The following GSTZ1 variants were observed in gnomAD, a reference collection of about 807,000 sequenced individuals.
GSTZ1 encodes the protein maleylacetoacetate isomerase.
A neutral mutation model predicts 35.9 loss-of-function variants in GSTZ1; 34 were observed. That is an observed-to-expected ratio of 0.95 (90% CI 0.72 to 1.26). The LOEUF (loss-of-function observed/expected upper bound fraction) is 1.26, where lower values mean the gene tolerates loss of function less well. Ranked by LOEUF, GSTZ1 falls within the 50% of genes most tolerant of loss-of-function variation. GSTZ1 has a pLI of 0.00. For synonymous variants in GSTZ1, 93 were observed against 101.2 expected, an observed-to-expected ratio of 0.92 and a Z score of 0.49; for missense variants, 263 against 271.7, an observed-to-expected ratio of 0.97 and a Z score of 0.23.
rs749894308 is a variant in GSTZ1, at chr14:77,331,195, G to A, written c.651G>A (p.Ter217=). 6.2e-7 allele frequency: 1 copy of A among 1,612,568 alleles called. No homozygotes were observed. Among genetic ancestry groups the A allele is most frequent in the South Asian group, 1.1e-5 (1 of 90,970 alleles). Residue 217 remains the stop codon, a stop_retained_variant, in exon 9 of 9, where the codon TAG becomes TAA. Transcript: ENST00000216465. ...ATACACCCACTGAGCTGAGGGCCTAGCTCCCAAATCCTGCCCCGTTGGCAC... is the reference window on the plus strand; with the variant it reads ...ATACACCCACTGAGCTGAGGGCCTAACTCCCAAATCCTGCCCCGTTGGCAC... ...QPDTPTELRA[*] is the part of the protein sequence containing the mutation.
chr14:77,328,261 G>A, intron 5 of GSTZ1: 1 of 558,316 alleles, frequency 1.8e-6, no homozygotes, highest in South Asian at 2.0e-5. Flanking sequence ...AGTTTCCAAG[G>A]ACGCATGTAC....
intron 1 of GSTZ1, chr14:77,324,558 G>A (rs1456983928): frequency 6.6e-7 from 1 of 1,525,044 alleles, no homozygotes; most frequent in Non-Finnish European, 8.8e-7. Flanking sequence ...CTCAGAAGCT[G>A]TGCCAGAGGG....
intron 4 of GSTZ1, 167 bp from the exon 5 acceptor site, chr14:77,327,745 G>T: frequency 1.4e-6 from 1 of 739,100 alleles, no homozygotes; most frequent in Non-Finnish European, 2.3e-6. Flanking sequence ...ACCAAGTTCT[G>T]CATGATAAGG....
At chr14:77,325,891 A>G (rs1350554732) in intron 2 of GSTZ1, 2 of 152,248 alleles carry the variant, frequency 1.3e-5, no homozygotes, top group Non-Finnish European at 1.5e-5. Flanking sequence ...CCGGAGCAAT[A>G]TAGGTGCTGT....
rs1216223405 is a variant in GSTZ1 at position 77,327,887 on chromosome 14, T to A, written c.217-25T>A. On this transcript the variant is annotated intron_variant, in intron 4 of 8. Transcript: ENST00000216465. ...GTCCAGGGGTCCTGGGCCCTCTCCC[T>A]GCCTCACTGCTCCCCTCTGGACAGC... is the stretch of plus-strand genomic sequence containing the variant. 3 of 1,613,124 alleles carry A rather than the reference T, an allele frequency of 1.9e-6. No individual in the cohort carries two copies. In the African/African-American group the frequency reaches 4.0e-5, roughly 22 times the overall value.
intron 1 of GSTZ1, chr14:77,323,967 G>A (rs1490621746): frequency 6.6e-6 from 1 of 152,340 alleles, no homozygotes; most frequent in Non-Finnish European, 1.5e-5. Flanking sequence ...ATTTAAAAAG[G>A]CAGAGGTTTG....
chr14:77,330,746 C>T (rs530759411), intron 8 of GSTZ1, among the ~76,000 whole-genome samples: 6 of 152,210 alleles, frequency 3.9e-5, no homozygotes, highest in South Asian at 2.1e-4. Flanking sequence ...TCATGCTAGG[C>T]GTTAGGGATA....
At chr14:77,321,284 C>G (rs543914673) in intron 1 of GSTZ1, 101 bp downstream of exon 1, 1 of 1,519,728 alleles carries the variant, frequency 6.6e-7, no homozygotes, top group African/African-American at 1.4e-5. Flanking sequence ...AGGCCGACAA[C>G]GACTCCCGGC....
Position 77,321,201 on chromosome 14 carries a change from G to T in GSTZ1, c.15+18G>T, listed in dbSNP as rs1291519948. ...CGGGGAAGGTCTGTGACGCGCACCC[G>T]GGTGGAGGGAAGCTGGTTAGACACC... On this transcript the variant is annotated intron_variant, in intron 1 of 8. Transcript: ENST00000216465. 1.3e-6 allele frequency: 2 copies of T among 1,493,662 alleles called. No individual in the cohort carries two copies. Among genetic ancestry groups the T allele is most frequent in the Admixed American group, 2.3e-5 (1 of 44,116 alleles). The allele number at this position is 1,493,662 out of a possible 1,614,324, so 92.5% of individuals were successfully genotyped here. A position where few individuals can be genotyped will look rare whatever the true frequency, so the allele number is the denominator to read the frequency against.
intron 1 of GSTZ1, chr14:77,321,513 C>T: frequency 7.4e-7 from 1 of 1,356,816 alleles, no homozygotes; most frequent in South Asian, 1.4e-5. Context: ...TCGCCCCAAG[C>T]CTCCCAATTT....
intron 3 of GSTZ1, 144 bp from the exon 4 acceptor site, chr14:77,327,328 G>T (rs1299968795): frequency 1.5e-6 from 1 of 655,872 alleles, no homozygotes; most frequent in Non-Finnish European, 2.8e-6. Context: ...ATCCCCCAGG[G>T]ATTACCCTGG....
Position 77,327,802 on chromosome 14 carries a change from G to A in GSTZ1, c.217-110G>A. The A allele has an allele frequency of 3.8e-6, 4 of 1,049,416 alleles. No individual in the cohort carries two copies. The Admixed American group carries it at 5.7e-5, about 15-fold the overall frequency. 65.0% of individuals were successfully genotyped at this position (1,049,416 alleles called of 1,614,324 possible). A position where few individuals can be genotyped will look rare whatever the true frequency, so the allele number is the denominator to read the frequency against. ...TGAGCTGAGCAGAAGCAGGGGGGAA[G>A]AGGTGTAGTGATGGTGCTGGAAGAG... On this transcript the variant is annotated intron_variant, in intron 4 of 8. Transcript: ENST00000216465.
chr14:77,331,406 A>G lies in GSTZ1; in HGVS notation c.*211A>G, dbSNP rs984651699. ...GGGAGATGCGGGGAGCAGGGTGGGC[A>G]GGAATACTGTTATCTATGTGACGGG... On this transcript the variant is annotated 3_prime_UTR_variant, in exon 9 of 9. Coordinates refer to ENST00000216465, the MANE Select transcript of GSTZ1 (RefSeq NM_145870.3). The G allele has an allele frequency of 3.6e-6, 2 of 551,508 alleles. No individual in the cohort carries two copies. The highest frequency in any genetic ancestry group is 3.7e-5 in the African/African-American group (2 of 53,476). 34.2% of individuals were successfully genotyped at this position (551,508 alleles called of 1,614,324 possible). A position where few individuals can be genotyped will look rare whatever the true frequency, so the allele number is the denominator to read the frequency against.
At position 77,328,007 on chromosome 14, in the gene GSTZ1, C is replaced by T; in HGVS notation, c.312C>T (p.Asp104=). ...KKRASVRMIS[D]LIAGGIQPLQ... Reference sequence around the variant, plus strand: ...GGGCCAGCGTGCGTATGATTTCTGACCTCATCGCTGGTGGCATCCAGCCCC... The same window carrying T: ...GGGCCAGCGTGCGTATGATTTCTGATCTCATCGCTGGTGGCATCCAGCCCC... Residue 104 remains aspartate, a synonymous_variant, in exon 5 of 9, where the codon GAC becomes GAT. Transcript: ENST00000216465. The T allele has an allele frequency of 1.2e-6, 2 of 1,614,046 alleles. No homozygotes were observed. The highest frequency in any genetic ancestry group is 1.7e-6 in the Non-Finnish European group (2 of 1,179,928).
chr14:77,328,584 C>T (rs1892454517), intron 5 of GSTZ1: 2 of 175,396 alleles, frequency 1.1e-5, no homozygotes, highest in Admixed American at 1.1e-4. Flanking sequence ...ATGCCTATGC[C>T]CTCTACCCGC....
In GSTZ1 at chr14:77,331,505, G is replaced by T; in HGVS notation, c.*310G>T. On this transcript the variant is annotated 3_prime_UTR_variant, in exon 9 of 9. Coordinates refer to ENST00000216465, the MANE Select transcript of GSTZ1 (RefSeq NM_145870.3). ...TCACCGTAACACCACGGGGAAGGCTGTGTGCCTTTTCTCATCCGCTTTTGT... is the reference window on the plus strand; with the variant it reads ...TCACCGTAACACCACGGGGAAGGCTTTGTGCCTTTTCTCATCCGCTTTTGT... 3.4e-6 allele frequency: 1 copy of T among 291,884 alleles called. No individual in the cohort carries two copies. Among genetic ancestry groups the T allele is most frequent in the South Asian group, 8.4e-5 (1 of 11,852 alleles). The allele number at this position is 291,884 out of a possible 1,614,324, so 18.1% of individuals were successfully genotyped here. A position where few individuals can be genotyped will look rare whatever the true frequency, so the allele number is the denominator to read the frequency against.
Position 77,329,294 on chromosome 14 carries a change from G to A in GSTZ1, c.421+93G>A, listed in dbSNP as rs1353999793. The A allele has an allele frequency of 1.5e-5, 13 of 879,560 alleles. No individual in the cohort carries two copies. The East Asian group carries it at 3.2e-4, about 22-fold the overall frequency. The allele number at this position is 879,560 out of a possible 1,614,324, so 54.5% of individuals were successfully genotyped here. On this transcript the variant is annotated intron_variant, in intron 6 of 8. Coordinates refer to ENST00000216465, the MANE Select transcript of GSTZ1 (RefSeq NM_145870.3). ...CCTGGGTATCTGAACCAGCCTCCCA[G>A]GCTGCTTTGGGCCTGACAGTTGCAT...
intron 8 of GSTZ1, among the ~76,000 whole-genome samples, 155 bp from the exon 9 acceptor site, chr14:77,330,914 T>C (rs909269110): frequency 3.9e-5 from 6 of 152,148 alleles, no homozygotes; most frequent in African/African-American, 1.4e-4. Flanking sequence ...GCACAAGACC[T>C]ACCCATCCCC....
chr14:77,328,793 T>C, intron 5 of GSTZ1: 1 of 364,062 alleles, frequency 2.7e-6, no homozygotes, highest in Non-Finnish European at 5.2e-6. Context: ...AAGGGAGAAG[T>C]GAGGGAGACA....
Sources: allele counts gnomAD v4.1 joint callset (sites outside exome capture counted in the v4.1 genomes callset), GRCh38; gene constraint gnomAD v4.1.1; transcripts MANE v1.5; gene names NCBI Gene and HGNC (gene_info 2026-07-23, HGNC 2026-07-21).